The following RIMBP2 variants were observed in gnomAD, a reference collection of about 807,000 sequenced individuals.
RIMBP2 encodes the protein RIMS binding protein 2.
Under a neutral mutation model 118.6 loss-of-function variants are expected in RIMBP2, and 48 were observed. The observed-to-expected ratio is 0.40, with a 90% confidence interval of 0.32 to 0.51. RIMBP2 has a LOEUF of 0.51. RIMBP2 is among the 20% of genes least tolerant of loss of function. RIMBP2 has a pLI of 0.41. For missense variants in RIMBP2, 1,551 were observed against 1,768.3 expected (o/e 0.88, Z 2.20); for synonymous variants, 762 against 742.9 (o/e 1.03, Z -0.42).
intron 1 of RIMBP2, among the ~76,000 whole-genome samples, chr12:130,646,301 A>G (rs1176537205): frequency 9.4e-6 from 1 of 106,732 alleles, no homozygotes; most frequent in Admixed American, 9.3e-5. Flanking sequence ...CTGCCTCTCC[A>G]CCTCCCTCAC....
At chr12:130,519,757 G>A (rs1418932651) in intron 2 of RIMBP2, among the ~76,000 whole-genome samples, 1 of 152,178 alleles carries the variant, frequency 6.6e-6, no homozygotes, top group Admixed American at 6.5e-5. Flanking sequence ...GTTAGATTAT[G>A]GGTTCTGAGG....
chr12:130,434,927 G>A lies in RIMBP2; in HGVS notation c.2107-47C>T, dbSNP rs760738106. 9 of 1,556,798 alleles carry A rather than the reference G, an allele frequency of 5.8e-6. No individual in the cohort carries two copies. In the South Asian group the frequency reaches 1.1e-4, roughly 19 times the overall value. On this transcript the variant is annotated intron_variant, in intron 13 of 22. Transcript: ENST00000690449. This position sits in a 1 kb window ranked among gnomAD's most constrained non-coding sequence, Gnocchi z 5.7. Reference sequence around the variant, plus strand: ...CACGGGTGAGGCAGGGCCACCTTCAGCTACGCTCAGCCCCACCTGCATTCA... The same window carrying A: ...CACGGGTGAGGCAGGGCCACCTTCAACTACGCTCAGCCCCACCTGCATTCA...
intron 1 of RIMBP2, among the ~76,000 whole-genome samples, chr12:130,637,916 G>T (rs2062424039): frequency 6.6e-6 from 1 of 151,890 alleles, no homozygotes; most frequent in Non-Finnish European, 1.5e-5. Flanking sequence ...TAAGTTATTT[G>T]GGGACTTTGG....
chr12:130,626,027 C>T (rs2061599468), intron 2 of RIMBP2, among the ~76,000 whole-genome samples: 1 of 152,150 alleles, frequency 6.6e-6, no homozygotes, highest in South Asian at 2.1e-4. Flanking sequence ...AAACTGATAC[C>T]ATTATATTAA....
rs141620214 is a variant in RIMBP2, at chr12:130,622,793, C to T, written c.-217+5529G>A. Among the ~76,000 whole-genome samples, 285 of 152,292 alleles carry T rather than the reference C, an allele frequency of 1.9e-3. No homozygotes were observed. The highest frequency in any genetic ancestry group is 6.4e-3 in the African/African-American group (267 of 41,562). ...GCAATGCCTCCACTAGGCTGATAGT[C>T]GCAAAATTCTCCACAAAAGGCATAG... On this transcript the variant is annotated intron_variant, in intron 2 of 22. Transcript: ENST00000690449. The surrounding 1 kb of genome is among the most constrained non-coding windows in gnomAD (Gnocchi z 8.5).
intron 4 of RIMBP2, among the ~76,000 whole-genome samples, chr12:130,496,414 GAGTATGTCTTTATTAGC>G (rs1234528188): frequency 6.6e-6 from 1 of 152,050 alleles, no homozygotes; most frequent in Non-Finnish European, 1.5e-5. Flanking sequence ...ACCCAGTCTC[GAGTATGTCTTTATTAGC>G]AGCATGAAAA....
At chr12:130,476,101 A>G (rs183633760) in intron 5 of RIMBP2, among the ~76,000 whole-genome samples, 8 of 152,142 alleles carry the variant, frequency 5.3e-5, no homozygotes, top group African/African-American at 1.7e-4. Context: ...TGATGTGTAG[A>G]GGGGCTGGTG....
chr12:130,405,159 C>T (rs138529200), intron 21 of RIMBP2, among the ~76,000 whole-genome samples: 268 of 152,152 alleles, frequency 1.8e-3, no homozygotes, highest in African/African-American at 5.9e-3. Context: ...CGCATGCAAA[C>T]GTGAAATTCA....
intron 1 of RIMBP2, among the ~76,000 whole-genome samples, chr12:130,691,626 G>A (rs2065311666): frequency 6.6e-6 from 1 of 152,112 alleles, no homozygotes; most frequent in Non-Finnish European, 1.5e-5. Flanking sequence ...AGCACAGATG[G>A]CCCCACTGCA....
intron 7 of RIMBP2, 22 bp from the exon 8 acceptor site, chr12:130,451,362 A>G: frequency 6.3e-7 from 1 of 1,586,446 alleles, no homozygotes; most frequent in Non-Finnish European, 8.6e-7. Context: ...CATTAAAACA[A>G]GTTGAAACAA....
chr12:130,592,987 G>C (rs1483428457), intron 2 of RIMBP2, among the ~76,000 whole-genome samples: 1 of 152,192 alleles, frequency 6.6e-6, no homozygotes, highest in East Asian at 1.9e-4. Flanking sequence ...TCATCTCACT[G>C]CGTTGCTGAA....
chr12:130,646,627 G>C (rs377486369), intron 1 of RIMBP2, among the ~76,000 whole-genome samples: 2 of 152,292 alleles, frequency 1.3e-5, no homozygotes, highest in East Asian at 3.9e-4. Flanking sequence ...CAATCTTAGA[G>C]GTATAGGGAG....
intron 2 of RIMBP2, among the ~76,000 whole-genome samples, chr12:130,518,210 T>C (rs1240378977): frequency 1.3e-5 from 2 of 152,208 alleles, no homozygotes; most frequent in African/African-American, 2.4e-5. Context: ...TTCTCGCCAA[T>C]TGGAGTTGTT....
chr12:130,450,651 A>C lies in RIMBP2; in HGVS notation c.505-375T>G, dbSNP rs2078923757. On this transcript the variant is annotated intron_variant, in intron 8 of 22. Coordinates refer to ENST00000690449, the MANE Select transcript of RIMBP2 (RefSeq NM_001393629.1). This position sits in a 1 kb window ranked among gnomAD's most constrained non-coding sequence, Gnocchi z 4.8. ...ATGTGCACGACCCCCCAGTGATCCC[A>C]CTCTCACTCCCCCTAGTGCATTCCC... Among the ~76,000 whole-genome samples, 5 of 134,040 alleles carry C rather than the reference A, an allele frequency of 3.7e-5. No homozygotes were observed. Among genetic ancestry groups the C allele is most frequent in the South Asian group, 5.3e-4 (2 of 3,808 alleles). 87.9% of individuals were successfully genotyped at this position (134,040 alleles called of 152,430 possible).
intron 2 of RIMBP2, among the ~76,000 whole-genome samples, chr12:130,594,829 T>A (rs1256126689): frequency 6.6e-6 from 1 of 152,224 alleles, no homozygotes; most frequent in Admixed American, 6.5e-5. Context: ...ATATTTTGGA[T>A]TTATTTTAAC....
At chr12:130,591,504 C>A (rs1157211194) in intron 2 of RIMBP2, among the ~76,000 whole-genome samples, 3 of 152,136 alleles carry the variant, frequency 2.0e-5, no homozygotes, top group Non-Finnish European at 4.4e-5. Flanking sequence ...GAAATTTATT[C>A]TCTCACAGTT....
At chr12:130,441,447 A>AATAATAATTATTATT (rs572339336) in intron 11 of RIMBP2, among the ~76,000 whole-genome samples, 1 of 141,048 alleles carries the variant, frequency 7.1e-6, no homozygotes, top group African/African-American at 2.6e-5. Flanking sequence ...TAATAATAAT[A>AATAATAATTATTATT]ATTTACAAGG....
At chr12:130,519,443 A>T (rs892446261) in intron 2 of RIMBP2, among the ~76,000 whole-genome samples, 2 of 152,264 alleles carry the variant, frequency 1.3e-5, no homozygotes, top group African/African-American at 4.8e-5. Context: ...ACCCAACCTT[A>T]GGGAAAGTGA....
At chr12:130,533,017 G>A (rs990837089) in intron 2 of RIMBP2, among the ~76,000 whole-genome samples, 66 of 132,760 alleles carry the variant, frequency 5.0e-4, no homozygotes, top group African/African-American at 1.5e-3. Flanking sequence ...TAGGATGGAC[G>A]TCTAATGAGA....
Sources: allele counts gnomAD v4.1 joint callset (sites outside exome capture counted in the v4.1 genomes callset), GRCh38; gene constraint gnomAD v4.1.1; non-coding constraint Gnocchi (gnomAD v3.1); transcripts MANE v1.5; gene names NCBI Gene and HGNC (gene_info 2026-07-23, HGNC 2026-07-21).